The following CSMD1 variants were observed in gnomAD, a reference collection of about 807,000 sequenced individuals.
CSMD1 encodes the protein CUB and sushi domain-containing protein 1.
CSMD1 carries 213 observed loss-of-function variants against 417.5 expected under a neutral mutation model. The ratio of observed to expected loss-of-function variants is 0.51; its 90% CI spans 0.46 to 0.57. CSMD1 has a LOEUF of 0.57. CSMD1 is among the 20% of genes least tolerant of loss of function. CSMD1 has a pLI of 0.00. For synonymous variants in CSMD1, 2,862 were observed against 1,736.8 expected, an observed-to-expected ratio of 1.65 and a Z score of -16.11; for missense variants, 6,923 against 4,529.7, an observed-to-expected ratio of 1.53 and a Z score of -15.17.
intron 7 of CSMD1, among the ~76,000 whole-genome samples, chr8:3,689,726 T>C (rs952576231): frequency 2.0e-5 from 3 of 151,440 alleles, no homozygotes; most frequent in Non-Finnish European, 3.0e-5. Flanking sequence ...AATCCCTTTT[T>C]AGTGATGAAA....
intron 7 of CSMD1, among the ~76,000 whole-genome samples, chr8:3,658,753 A>C (rs1360032454): frequency 6.6e-6 from 1 of 152,172 alleles, no homozygotes; most frequent in African/African-American, 2.4e-5. Context: ...ACTGAACTTC[A>C]GCCTGGGTGA....
intron 2 of CSMD1, among the ~76,000 whole-genome samples, chr8:4,608,247 G>C (rs1271659134): frequency 6.6e-6 from 1 of 152,182 alleles, no homozygotes; most frequent in Non-Finnish European, 1.5e-5. Flanking sequence ...GGAGATTTAT[G>C]ACTTGATTTC....
chr8:3,543,738 G>C (rs892066264), intron 10 of CSMD1, among the ~76,000 whole-genome samples: 11 of 152,156 alleles, frequency 7.2e-5, no homozygotes, highest in African/African-American at 2.7e-4. Context: ...TGCTGTGTTT[G>C]AGATGTCTGT....
At chr8:3,528,798 T>C (rs1176248225) in intron 10 of CSMD1, among the ~76,000 whole-genome samples, 2 of 152,208 alleles carry the variant, frequency 1.3e-5, no homozygotes, top group Non-Finnish European at 2.9e-5. Flanking sequence ...AGAAAACACC[T>C]GGATAAAATT....
At chr8:3,390,548 C>A (rs1479493953) in intron 17 of CSMD1, among the ~76,000 whole-genome samples, 1 of 151,840 alleles carries the variant, frequency 6.6e-6, no homozygotes, top group African/African-American at 2.4e-5. Context: ...AAATACAGAC[C>A]ACCGGACTTT....
chr8:3,307,725 A>G lies in CSMD1; in HGVS notation c.3920T>C (p.Ile1307Thr). ...PYDNNLHCTW[I>T]IEADPGKTIS... ...GGTCTTTCCTGGGTCTGCCTCTATA[A>G]TCCAGGTGCAGTGGAGGTTGTTGTC... is the stretch of plus-strand genomic sequence containing the variant. Residue 1307 changes from isoleucine (I) to threonine (T), a missense_variant, in exon 25 of 70, where the codon ATT (isoleucine) becomes ACT (threonine). Physicochemically the swap from Ile to Thr is moderately conservative, Grantham distance 89 (BLOSUM62 -1). Coordinates refer to ENST00000635120, the MANE Select transcript of CSMD1 (RefSeq NM_033225.6). The G allele has an allele frequency of 6.2e-7, 1 of 1,613,702 alleles. No homozygotes were observed. The highest frequency in any genetic ancestry group is 8.5e-7 in the Non-Finnish European group (1 of 1,179,708).
chr8:3,712,294 T>G (rs192146730), intron 6 of CSMD1, among the ~76,000 whole-genome samples: 1 of 151,898 alleles, frequency 6.6e-6, no homozygotes, highest in Non-Finnish European at 1.5e-5. Flanking sequence ...CCTCTTTTCT[T>G]CCTTCCACAC....
intron 4 of CSMD1, among the ~76,000 whole-genome samples, chr8:4,030,351 C>A (rs1338295023): frequency 6.6e-6 from 1 of 152,208 alleles, no homozygotes; most frequent in Admixed American, 6.5e-5. Context: ...CCTCTGAAAT[C>A]TAGGCAAAGG....
At chr8:3,482,374 G>A (rs924990337) in intron 11 of CSMD1, among the ~76,000 whole-genome samples, 2 of 152,246 alleles carry the variant, frequency 1.3e-5, no homozygotes, top group Middle Eastern at 3.4e-3. Context: ...GAGTGCCTAT[G>A]TTAATATCTG....
chr8:3,030,905 T>G (rs1486481063), intron 50 of CSMD1, among the ~76,000 whole-genome samples: 1 of 152,026 alleles, frequency 6.6e-6, no homozygotes, highest in Non-Finnish European at 1.5e-5. Context: ...TACAGAAAAA[T>G]GTGGCTCTTT....
chr8:4,797,921 G>A (rs192810039), intron 1 of CSMD1, among the ~76,000 whole-genome samples: 2 of 152,230 alleles, frequency 1.3e-5, no homozygotes, highest in African/African-American at 2.4e-5. Flanking sequence ...GGGCATGACA[G>A]ATCTCCATAA....
chr8:4,089,203 T>C (rs981525893), intron 3 of CSMD1, among the ~76,000 whole-genome samples: 7 of 152,200 alleles, frequency 4.6e-5, no homozygotes, highest in African/African-American at 1.7e-4. Flanking sequence ...TGCCTGCCTT[T>C]TGTATTACCT....
chr8:4,041,900 T>A (rs1050691258), intron 3 of CSMD1, among the ~76,000 whole-genome samples: 3 of 152,096 alleles, frequency 2.0e-5, no homozygotes, highest in Non-Finnish European at 4.4e-5. Context: ...GTAGAATAGA[T>A]ATAGCAGAAG....
intron 23 of CSMD1, among the ~76,000 whole-genome samples, chr8:3,334,782 G>T (rs1031662419): frequency 6.6e-6 from 1 of 152,134 alleles, no homozygotes; most frequent in Non-Finnish European, 1.5e-5. Context: ...AGTAGAGTGG[G>T]ACTTCCTAGG....
chr8:4,588,520 C>T (rs1468988556), intron 2 of CSMD1, among the ~76,000 whole-genome samples: 2 of 151,844 alleles, frequency 1.3e-5, no homozygotes, highest in Non-Finnish European at 1.5e-5. Flanking sequence ...TCTGGCCGGG[C>T]ATGGTGGCAC....
intron 26 of CSMD1, among the ~76,000 whole-genome samples, chr8:3,232,925 G>T (rs1798925534): frequency 6.7e-6 from 1 of 148,210 alleles, no homozygotes; most frequent in Admixed American, 6.7e-5. Flanking sequence ...TGCATTGCTA[G>T]GTATTTCAGT....
intron 3 of CSMD1, among the ~76,000 whole-genome samples, chr8:4,080,940 G>T (rs904860584): frequency 3.3e-5 from 5 of 152,074 alleles, no homozygotes. Flanking sequence ...TTAGGCTCTG[G>T]GGACTCTACC....
intron 3 of CSMD1, among the ~76,000 whole-genome samples, chr8:4,040,365 A>C (rs765616538): frequency 3.3e-5 from 5 of 152,230 alleles, no homozygotes; most frequent in African/African-American, 4.8e-5. Context: ...CATTTTAAAC[A>C]AACAAACACA....
At chr8:4,280,434 G>T (rs957290684) in intron 3 of CSMD1, among the ~76,000 whole-genome samples, 1 of 152,116 alleles carries the variant, frequency 6.6e-6, no homozygotes, top group Non-Finnish European at 1.5e-5. Flanking sequence ...CGAAATGTGC[G>T]ACCGGATACC....
Sources: gnomAD v4.1 joint callset for allele counts (sites outside exome capture counted in the v4.1 genomes callset) on GRCh38, gnomAD v4.1.1 for gene constraint, MANE v1.5 for transcripts, NCBI Gene and HGNC (gene_info 2026-07-23, HGNC 2026-07-21) for gene names.